Variants in KIF26B observed in about 807,000 individuals in gnomAD.
KIF26B encodes kinesin-like protein KIF26B.
In KIF26B, 63 loss-of-function variants were observed where a neutral mutation model predicts 151.2. That is an observed-to-expected ratio of 0.42 (90% CI 0.34 to 0.51). The LOEUF (loss-of-function observed/expected upper bound fraction) is 0.51. Ranked by LOEUF, KIF26B falls within the 20% of genes least tolerant of loss-of-function variation. The pLI is 0.07. For missense variants in KIF26B, 2,813 were observed against 2,913.6 expected (o/e 0.97, Z 0.79); for synonymous variants, 1,357 against 1,262.1 (o/e 1.08, Z -1.59).
In KIF26B at chr1:245,391,216, G is replaced by A. The variant is rs148027258; in HGVS notation, c.999+23849G>A. Among the ~76,000 whole-genome samples, 474 of 152,164 alleles carry A rather than the reference G, an allele frequency of 3.1e-3. 4 individuals carry two copies. Among genetic ancestry groups the A allele is most frequent in the African/African-American group, 0.011 (449 of 41,520 alleles). ...ACATAAGATCCATACAAAGTACAAGGTAGCCTAATTGATTTTAGTACAATG... is the reference window on the plus strand; with the variant it reads ...ACATAAGATCCATACAAAGTACAAGATAGCCTAATTGATTTTAGTACAATG... On this transcript the variant is annotated intron_variant, in intron 3 of 14. Transcript: ENST00000407071.
intron 5 of KIF26B, among the ~76,000 whole-genome samples, chr1:245,570,158 G>C (rs2043053712): frequency 6.6e-6 from 1 of 151,804 alleles, no homozygotes; most frequent in Non-Finnish European, 1.5e-5. Flanking sequence ...GGATGGTCTT[G>C]ATCTCCTGAC....
intron 9 of KIF26B, among the ~76,000 whole-genome samples, chr1:245,624,946 G>A (rs2043707715): frequency 6.6e-6 from 1 of 152,050 alleles, no homozygotes; most frequent in Admixed American, 6.6e-5. Flanking sequence ...TTTTTTTCAG[G>A]TTGAGGGAGG....
chr1:245,564,933 C>T lies in KIF26B; in HGVS notation c.1350+23983C>T, dbSNP rs76103361. ...ACGGGAGGCAGAGTTCAAGTGGTAA[C>T]GCTTACCTTCTGCTGTGTGGCCTGC... On this transcript the variant is annotated intron_variant, in intron 5 of 14. Transcript: ENST00000407071. This position sits in a 1 kb window ranked among gnomAD's most constrained non-coding sequence, Gnocchi z 4.6. Among the ~76,000 whole-genome samples the T allele has an allele frequency of 9.4e-3, 1,432 of 152,276 alleles. 24 individuals are homozygous for T. The highest frequency in any genetic ancestry group is 0.032 in the African/African-American group (1,325 of 41,548).
intron 2 of KIF26B, among the ~76,000 whole-genome samples, chr1:245,297,617 T>G (rs1671361650): frequency 6.6e-6 from 1 of 152,214 alleles, no homozygotes; most frequent in African/African-American, 2.4e-5. Flanking sequence ...GAAACTATGA[T>G]TTTTTAGAAA....
At chr1:245,291,778 G>T (rs759895438) in intron 2 of KIF26B, among the ~76,000 whole-genome samples, 1 of 152,214 alleles carries the variant, frequency 6.6e-6, no homozygotes, top group Admixed American at 6.5e-5. Flanking sequence ...GTAGGAAGGG[G>T]TGTTCTCGCC....
intron 4 of KIF26B, among the ~76,000 whole-genome samples, chr1:245,467,076 T>C (rs1446987906): frequency 6.6e-6 from 1 of 152,240 alleles, no homozygotes; most frequent in Non-Finnish European, 1.5e-5. Flanking sequence ...TCCAACCAGA[T>C]GCTAAAAATG....
intron 4 of KIF26B, among the ~76,000 whole-genome samples, chr1:245,489,284 C>T (rs1660347524): frequency 6.6e-6 from 1 of 152,234 alleles, no homozygotes; most frequent in South Asian, 2.1e-4. Context: ...GAGGATGCAG[C>T]TTCATTTGTT....
At chr1:245,448,738 T>C (rs987336112) in intron 4 of KIF26B, among the ~76,000 whole-genome samples, 1 of 152,236 alleles carries the variant, frequency 6.6e-6, no homozygotes, top group Non-Finnish European at 1.5e-5. Flanking sequence ...GTCATGTAGA[T>C]TTGGGATTGG....
intron 2 of KIF26B, among the ~76,000 whole-genome samples, chr1:245,365,715 C>T (rs375063728): frequency 1.3e-5 from 2 of 152,176 alleles, no homozygotes; most frequent in African/African-American, 4.8e-5. Flanking sequence ...CATATAGGCA[C>T]AGCCCACACT....
intron 3 of KIF26B, 48 bp from the exon 4 acceptor site, chr1:245,419,531 A>C: frequency 6.5e-7 from 1 of 1,547,024 alleles, no homozygotes; most frequent in African/African-American, 1.4e-5. Flanking sequence ...TGGTCAGGAA[A>C]AGCAGTGAGC....
chr1:245,206,220 C>G (rs903077292), intron 2 of KIF26B, among the ~76,000 whole-genome samples: 3 of 152,184 alleles, frequency 2.0e-5, no homozygotes, highest in African/African-American at 7.2e-5. Context: ...AAGCATAACT[C>G]TGGGAAAATG....
In KIF26B at chr1:245,640,122, G is replaced by GCTCGCTCTCTCTCTCTCT. The variant is rs1553299289; in HGVS notation, c.2099-5996_2099-5995insGCTCTCTCTCTCTCTCTC. Among the ~76,000 whole-genome samples the GCTCGCTCTCTCTCTCTCT allele has an allele frequency of 3.9e-3, 211 of 53,932 alleles. 30 individuals carry two copies. Among genetic ancestry groups the GCTCGCTCTCTCTCTCTCT allele is most frequent in the Middle Eastern group, 0.016 (2 of 122 alleles). 35.4% of individuals were successfully genotyped at this position (53,932 alleles called of 152,430 possible). A position where few individuals can be genotyped will look rare whatever the true frequency, so the allele number is the denominator to read the frequency against. On this transcript the variant is annotated intron_variant, in intron 9 of 14. Coordinates refer to ENST00000407071, the MANE Select transcript of KIF26B (RefSeq NM_018012.4). ...CTCCTGTTTAGATCTACTAATATTT[G>GCTCGCTCTCTCTCTCTCT]CTCTCTCTCTCTCTCTCTCTCTATA...
intron 5 of KIF26B, among the ~76,000 whole-genome samples, chr1:245,545,274 G>A (rs751317413): frequency 6.6e-6 from 1 of 152,058 alleles, no homozygotes; most frequent in Non-Finnish European, 1.5e-5. Flanking sequence ...GTTAATTTTT[G>A]TATTTTTAGT....
chr1:245,482,213 T>G (rs1296963889), intron 4 of KIF26B, among the ~76,000 whole-genome samples: 1 of 151,822 alleles, frequency 6.6e-6, no homozygotes, highest in Non-Finnish European at 1.5e-5. Flanking sequence ...TGCCTCAGCC[T>G]TCCTAGTAGC....
chr1:245,479,893 T>A (rs1345466788), intron 4 of KIF26B, among the ~76,000 whole-genome samples: 2 of 151,766 alleles, frequency 1.3e-5, no homozygotes, highest in Non-Finnish European at 2.9e-5. Context: ...TCTGTTGCTC[T>A]ATATAGAACT....
chr1:245,545,043 G>A (rs576521064), intron 5 of KIF26B, among the ~76,000 whole-genome samples: 5 of 152,008 alleles, frequency 3.3e-5, no homozygotes, highest in South Asian at 2.1e-4. Flanking sequence ...GCACATGCGC[G>A]CACACACACA....
intron 9 of KIF26B, among the ~76,000 whole-genome samples, chr1:245,633,277 G>C (rs1243983537): frequency 1.5e-5 from 2 of 134,362 alleles, no homozygotes; most frequent in East Asian, 4.5e-4. Flanking sequence ...CATACAGTTG[G>C]GTCTTTTTTT....
chr1:245,570,679 C>G (rs1197872760), intron 5 of KIF26B, among the ~76,000 whole-genome samples: 5 of 152,214 alleles, frequency 3.3e-5, no homozygotes, highest in Non-Finnish European at 7.3e-5. Flanking sequence ...TATTCTAATT[C>G]ACACCAGCTC....
At chr1:245,598,358 C>A (rs1056886175) in intron 5 of KIF26B, among the ~76,000 whole-genome samples, 1 of 152,198 alleles carries the variant, frequency 6.6e-6, no homozygotes, top group Non-Finnish European at 1.5e-5. Context: ...CTTTTTCTTA[C>A]TGCTGAGGGA....
Sources: gnomAD v4.1 joint callset for allele counts (sites outside exome capture counted in the v4.1 genomes callset) on GRCh38, gnomAD v4.1.1 for gene constraint, Gnocchi (gnomAD v3.1) non-coding constraint, MANE v1.5 for transcripts, NCBI Gene and HGNC (gene_info 2026-07-23, HGNC 2026-07-21) for gene names.